Variants in TSHZ2 observed in about 807,000 individuals in gnomAD.
The protein encoded by TSHZ2 is teashirt zinc finger homeobox 2, also known as teashirt homolog 2.
A neutral mutation model predicts 74.4 loss-of-function variants in TSHZ2; 21 were observed. The ratio of observed to expected loss-of-function variants is 0.28; its 90% confidence interval spans 0.20 to 0.41. The LOEUF is 0.41. Ranked by LOEUF, TSHZ2 falls within the 10% of genes least tolerant of loss-of-function variation. The pLI, the probability that TSHZ2 is intolerant of heterozygous loss-of-function variation, is 1.00. For synonymous variants in TSHZ2, 540 were observed against 515.3 expected, an observed-to-expected ratio of 1.05 and a Z score of -0.65; for missense variants, 1,244 against 1,293.5, an observed-to-expected ratio of 0.96 and a Z score of 0.59.
chr20:53,238,550 G>T (rs1200070647), intron 1 of TSHZ2, among the ~76,000 whole-genome samples: 1 of 152,086 alleles, frequency 6.6e-6, no homozygotes, highest in Non-Finnish European at 1.5e-5. Context: ...ACCAAAATGG[G>T]AAAGAAGAGA....
chr20:53,121,346 T>TA (rs946039435), intron 1 of TSHZ2, among the ~76,000 whole-genome samples: 2 of 152,078 alleles, frequency 1.3e-5, no homozygotes, highest in Non-Finnish European at 2.9e-5. Flanking sequence ...AATCTAGTAT[T>TA]AAAAAAAAGT....
At chr20:52,997,959 G>A (rs931534475) in intron 1 of TSHZ2, among the ~76,000 whole-genome samples, 1 of 152,172 alleles carries the variant, frequency 6.6e-6, no homozygotes, top group Non-Finnish European at 1.5e-5. Context: ...CATTAGAAAT[G>A]CAGATTCTCA....
intron 2 of TSHZ2, among the ~76,000 whole-genome samples, chr20:53,325,243 C>G (rs1979441169): frequency 6.6e-6 from 1 of 152,206 alleles, no homozygotes; most frequent in Admixed American, 6.5e-5. Flanking sequence ...GAGCACTGCT[C>G]TGTGCAATTT....
chr20:53,210,966 T>A (rs948687932), intron 1 of TSHZ2, among the ~76,000 whole-genome samples: 2 of 151,948 alleles, frequency 1.3e-5, no homozygotes, highest in African/African-American at 4.8e-5. Flanking sequence ...CCTTTAGTAA[T>A]TAAAGAGAGA....
At chr20:53,228,103 AACACACACACACACACACACAC>A (rs10561638) in intron 1 of TSHZ2, among the ~76,000 whole-genome samples, 1 of 134,472 alleles carries the variant, frequency 7.4e-6, no homozygotes, top group African/African-American at 2.8e-5. Flanking sequence ...TGGCCCCCAA[AACACACACACACACACACACAC>A]ACACACACAC....
At chr20:53,021,970 TGAG>T (rs1983262266) in intron 1 of TSHZ2, among the ~76,000 whole-genome samples, 1 of 152,146 alleles carries the variant, frequency 6.6e-6, no homozygotes, top group South Asian at 2.1e-4. Context: ...AAAAAGAATT[TGAG>T]GAGATTTTTC....
At chr20:53,223,686 G>A (rs538064902) in intron 1 of TSHZ2, among the ~76,000 whole-genome samples, 1 of 152,180 alleles carries the variant, frequency 6.6e-6, no homozygotes, top group Admixed American at 6.5e-5. Flanking sequence ...ATGAGCCACT[G>A]CGCCCAGCCC....
chr20:53,149,774 C>T (rs1987631705), intron 1 of TSHZ2, among the ~76,000 whole-genome samples: 1 of 152,206 alleles, frequency 6.6e-6, no homozygotes, highest in African/African-American at 2.4e-5. Flanking sequence ...CCCAATAAAT[C>T]ACGAGGCAAA....
rs1381917428 is a variant in TSHZ2, at chr20:53,473,388, C to T, written c.*9-13756C>T. The stretch of plus-strand genomic sequence containing the variant: ...AGCCTAACTGGCAGGCACCCCCCAG[C>T]AGGGGCACACTGACACCTCACACGG... On this transcript the variant is annotated intron_variant, in intron 2 of 2. Transcript: ENST00000371497. Among the ~76,000 whole-genome samples, 9 of 142,212 alleles carry T rather than the reference C, an allele frequency of 6.3e-5. No individual in the cohort carries two copies. In the East Asian group the frequency reaches 2.0e-3, roughly 31 times the overall value. The allele number at this position is 142,212 out of a possible 152,430, so 93.3% of individuals were successfully genotyped here. A position where few individuals can be genotyped will look rare whatever the true frequency, so the allele number is the denominator to read the frequency against.
intron 2 of TSHZ2, among the ~76,000 whole-genome samples, chr20:53,463,409 AG>A (rs1448462085): frequency 2.1e-4 from 25 of 120,114 alleles, no homozygotes; most frequent in South Asian, 1.1e-3. Context: ...GAAGGAAGGA[AG>A]GAAGGAAGGA....
intron 1 of TSHZ2, among the ~76,000 whole-genome samples, chr20:53,042,572 G>A (rs1984079863): frequency 6.6e-6 from 1 of 152,104 alleles, no homozygotes; most frequent in Admixed American, 6.5e-5. Flanking sequence ...GAAGATCATA[G>A]GGAATGATGG....
intron 1 of TSHZ2, among the ~76,000 whole-genome samples, chr20:53,126,899 G>A (rs950919372): frequency 6.6e-6 from 1 of 152,124 alleles, no homozygotes; most frequent in African/African-American, 2.4e-5. Context: ...GAAGTGAGAG[G>A]TAGAGATAAA....
At chr20:53,088,989 C>T (rs1309299358) in intron 1 of TSHZ2, among the ~76,000 whole-genome samples, 1 of 152,076 alleles carries the variant, frequency 6.6e-6, no homozygotes, top group Non-Finnish European at 1.5e-5. Context: ...TGAGACTGCA[C>T]ATCATAGCAA....
chr20:53,193,407 A>G (rs1398469126), intron 1 of TSHZ2, among the ~76,000 whole-genome samples: 2 of 152,194 alleles, frequency 1.3e-5, no homozygotes, highest in Non-Finnish European at 2.9e-5. Context: ...GCACCCAGGC[A>G]GTGGCTGCTG....
chr20:52,986,790 T>TGATATGGG (rs1981783114), intron 1 of TSHZ2, among the ~76,000 whole-genome samples: 1 of 152,122 alleles, frequency 6.6e-6, no homozygotes, highest in Non-Finnish European at 1.5e-5. Context: ...GTATGGCAAA[T>TGATATGGG]GATATGGGTT....
intron 2 of TSHZ2, among the ~76,000 whole-genome samples, chr20:53,269,269 T>G (rs1279152618): frequency 1.3e-5 from 2 of 151,642 alleles, no homozygotes; most frequent in African/African-American, 2.4e-5. Context: ...AAGGTTTAAA[T>G]TAAGATGTGA....
chr20:53,377,521 G>C (rs1361738629), intron 2 of TSHZ2, among the ~76,000 whole-genome samples: 4 of 152,154 alleles, frequency 2.6e-5, no homozygotes, highest in Non-Finnish European at 4.4e-5. Flanking sequence ...AGGCTTTGCT[G>C]TCTCTGTTAC....
chr20:53,412,612 G>C (rs1443702094), intron 2 of TSHZ2: 10 of 152,202 alleles, frequency 6.6e-5, no homozygotes. Flanking sequence ...TCCCTGCTCC[G>C]GGCAGAGGCC....
intron 1 of TSHZ2, among the ~76,000 whole-genome samples, chr20:53,219,896 A>G (rs1268401037): frequency 1.3e-5 from 2 of 152,218 alleles, no homozygotes; most frequent in African/African-American, 2.4e-5. Flanking sequence ...GTTCAAATTT[A>G]CCAGTTAGAC....
Sources: gnomAD v4.1 joint callset for allele counts (sites outside exome capture counted in the v4.1 genomes callset) on GRCh38, gnomAD v4.1.1 for gene constraint, MANE v1.5 for transcripts, NCBI Gene and HGNC (gene_info 2026-07-23, HGNC 2026-07-21) for gene names.